Variants in AFAP1 observed in about 807,000 individuals in gnomAD.
The protein encoded by AFAP1 is actin filament associated protein 1.
AFAP1 carries 75 observed loss-of-function variants against 93.9 expected under a neutral mutation model. The ratio of observed to expected loss-of-function variants is 0.80; its 90% CI spans 0.66 to 0.97. AFAP1 has a LOEUF of 0.97. Among genes scored for constraint, AFAP1 ranks in the 50% least tolerant of loss-of-function variants. The probability of loss-of-function intolerance (pLI) is 0.00; values close to 1 mark genes in which losing one functional copy is unlikely to be tolerated. For missense variants in AFAP1, 1,201 were observed against 1,050.8 expected (o/e 1.14, Z -1.98); for synonymous variants, 517 against 430.7 (o/e 1.20, Z -2.48).
chr4:7,875,481 T>C (rs1020322696), intron 1 of AFAP1, among the ~76,000 whole-genome samples: 5 of 152,130 alleles, frequency 3.3e-5, no homozygotes, highest in African/African-American at 1.2e-4. Flanking sequence ...GGACGAGGCA[T>C]GTTGGCTCAC....
intron 1 of AFAP1, among the ~76,000 whole-genome samples, chr4:7,921,009 A>C (rs941355398): frequency 1.5e-4 from 23 of 151,728 alleles, no homozygotes; most frequent in African/African-American, 5.3e-4. Context: ...TCCATAAATA[A>C]ATAAATAAAT....
intron 1 of AFAP1, among the ~76,000 whole-genome samples, chr4:7,879,699 C>CTTTTTTTTTTTTTTTTTTTTTTT (rs552211338): frequency 8.2e-6 from 1 of 121,720 alleles, no homozygotes; most frequent in African/African-American, 3.1e-5. Flanking sequence ...TGCTTGCTTG[C>CTTTTTTTTTTTTTTTTTTTTTTT]TTTTTTTTTT....
chr4:7,801,398 G>A (rs1158478157), intron 9 of AFAP1, among the ~76,000 whole-genome samples: 2 of 151,960 alleles, frequency 1.3e-5, no homozygotes, highest in African/African-American at 2.4e-5. Context: ...AGATAGAGGA[G>A]TGGTAGAATG....
chr4:7,835,389 C>G (rs865812025), intron 6 of AFAP1, among the ~76,000 whole-genome samples: 100 of 103,488 alleles, frequency 9.7e-4, no homozygotes, highest in African/African-American at 3.0e-3. Flanking sequence ...CTTGAGGTTA[C>G]CTGGGTGGCT....
chr4:7,855,413 A>C, intron 4 of AFAP1, 53 bp downstream of exon 4: 1 of 1,388,606 alleles, frequency 7.2e-7, no homozygotes, highest in East Asian at 2.3e-5. Context: ...CAGGCTCTGC[A>C]ACAGTCCTGC....
At chr4:7,801,337 A>T (rs894894850) in intron 9 of AFAP1, among the ~76,000 whole-genome samples, 1 of 152,148 alleles carries the variant, frequency 6.6e-6, no homozygotes, top group African/African-American at 2.4e-5. Flanking sequence ...AATCTTCATG[A>T]AAGTTTGTGA....
intron 11 of AFAP1, among the ~76,000 whole-genome samples, chr4:7,792,663 AG>A (rs1717975910): frequency 6.6e-6 from 1 of 152,194 alleles, no homozygotes; most frequent in Admixed American, 6.5e-5. Context: ...GTTCCTCAAC[AG>A]GACCACTGTC....
At chr4:7,934,235 A>G (rs985057234) in intron 1 of AFAP1, among the ~76,000 whole-genome samples, 6 of 152,214 alleles carry the variant, frequency 3.9e-5, no homozygotes, top group African/African-American at 1.2e-4. Flanking sequence ...AGCTCTAAGT[A>G]CCACACAGAA....
chr4:7,934,350 C>T (rs544726520), intron 1 of AFAP1, among the ~76,000 whole-genome samples: 6 of 152,314 alleles, frequency 3.9e-5, no homozygotes, highest in African/African-American at 9.6e-5. Flanking sequence ...TCCCACTGGA[C>T]CACGAACTCC....
intron 1 of AFAP1, among the ~76,000 whole-genome samples, chr4:7,910,667 G>A (rs1302763977): frequency 6.6e-6 from 1 of 152,222 alleles, no homozygotes; most frequent in Non-Finnish European, 1.5e-5. Flanking sequence ...CGTGCCACGA[G>A]CACGTGAGTG....
chr4:7,786,400 CAAGG>C, intron 11 of AFAP1, 89 bp from the exon 12 acceptor site: 1 of 1,094,164 alleles, frequency 9.1e-7, no homozygotes. Context: ...ACTTTATGCC[CAAGG>C]CTATGTCAGA....
In AFAP1 at chr4:7,937,379, A is replaced by G. The variant is rs145273510; in HGVS notation, c.-3+2277T>C. 5.0e-3 allele frequency among the ~76,000 whole-genome samples: 756 copies of G among 152,314 alleles called. 26 individuals carry two copies. The highest frequency in any genetic ancestry group is 0.043 in the Admixed American group (661 of 15,304). On this transcript the variant is annotated intron_variant, in intron 1 of 17. Transcript: ENST00000420658. ...AAGAATTAAAGGTGTAGGGCTGAAA[A>G]GATTCTTAGAAATTATGTAGTTTAC... is the stretch of plus-strand genomic sequence containing the variant.
At position 7,914,979 on chromosome 4, in the gene AFAP1, C is replaced by T. The variant is rs151096386; in HGVS notation, c.-3+24677G>A. 5.9e-3 allele frequency among the ~76,000 whole-genome samples: 896 copies of T among 152,238 alleles called. 6 individuals carry two copies. The highest frequency in any genetic ancestry group is 0.019 in the African/African-American group (790 of 41,540). The stretch of plus-strand genomic sequence containing the variant: ...GGCCAGGCTGGTCTTGAACTCCTGA[C>T]CTCAAATGATCCGCCCACTTCAGCC... On this transcript the variant is annotated intron_variant, in intron 1 of 17. Coordinates refer to ENST00000420658, the MANE Select transcript of AFAP1 (RefSeq NM_001134647.2).
At chr4:7,905,379 T>G (rs1464365231) in intron 1 of AFAP1, among the ~76,000 whole-genome samples, 1 of 152,236 alleles carries the variant, frequency 6.6e-6, no homozygotes, top group Admixed American at 6.5e-5. Context: ...GTGACTTTTA[T>G]AGAAAAATCT....
At chr4:7,911,307 G>A (rs562221369) in intron 1 of AFAP1, among the ~76,000 whole-genome samples, 9 of 152,174 alleles carry the variant, frequency 5.9e-5, no homozygotes, top group Admixed American at 3.3e-4. Context: ...ACAGCCGGAG[G>A]GGGGAAGGGT....
At chr4:7,862,357 G>A (rs58949603) in intron 3 of AFAP1, 13,409 of 132,778 alleles carry the variant, frequency 0.1, 1,205 homozygotes, top group East Asian at 0.53. Flanking sequence ...AAAACTTCAC[G>A]ATTTCCTAGA....
chr4:7,789,883 T>C (rs1282752888), intron 11 of AFAP1, among the ~76,000 whole-genome samples: 1 of 152,262 alleles, frequency 6.6e-6, no homozygotes, highest in Non-Finnish European at 1.5e-5. Flanking sequence ...TCTGGAGTAT[T>C]TTCCTGTGTT....
At chr4:7,859,674 C>T (rs1336884287) in intron 3 of AFAP1, among the ~76,000 whole-genome samples, 2 of 152,132 alleles carry the variant, frequency 1.3e-5, no homozygotes, top group Admixed American at 6.6e-5. Flanking sequence ...CTTCAGGAAT[C>T]GTACATTTCT....
chr4:7,887,258 A>T (rs1319645140), intron 1 of AFAP1, among the ~76,000 whole-genome samples: 1 of 152,202 alleles, frequency 6.6e-6, no homozygotes, highest in Non-Finnish European at 1.5e-5. Context: ...TATTTTGAAC[A>T]TTCACTAAAA....
Sources: gnomAD v4.1 joint callset for allele counts (sites outside exome capture counted in the v4.1 genomes callset) on GRCh38, gnomAD v4.1.1 for gene constraint, MANE v1.5 for transcripts, NCBI Gene and HGNC (gene_info 2026-07-23, HGNC 2026-07-21) for gene names.